PCDH9: variants seen among roughly 807,000 people sequenced by gnomAD.
PCDH9 encodes the protein protocadherin 9, also known as protocadherin-9.
Under a neutral mutation model 70.6 loss-of-function variants are expected in PCDH9, and 24 were observed. The ratio of observed to expected loss-of-function variants is 0.34; its 90% CI spans 0.25 to 0.48. PCDH9 has a LOEUF of 0.48. Among genes scored for constraint, PCDH9 ranks in the 20% least tolerant of loss-of-function variants. PCDH9 has a pLI of 0.99. For missense variants in PCDH9, 1,281 were observed against 1,503.6 expected (o/e 0.85, Z 2.45); for synonymous variants, 562 against 558.5 (o/e 1.01, Z -0.09).
rs2078369277 is a variant in PCDH9 at position 66,684,312 on chromosome 13, A to G, written c.3139-52901T>C. ...AACCTACTCTGATCGCTATAATCTT[A>G]CTTATTAATACTTTACAGACATGCC... On this transcript the variant is annotated intron_variant, in intron 3 of 4. Transcript: ENST00000377865. Among the ~76,000 whole-genome samples the G allele has an allele frequency of 2.6e-5, 4 of 152,154 alleles. No individual in the cohort carries two copies. The South Asian group carries it at 8.3e-4, about 32-fold the overall frequency.
At chr13:67,194,115 G>C (rs914184551) in intron 2 of PCDH9, among the ~76,000 whole-genome samples, 1 of 152,054 alleles carries the variant, frequency 6.6e-6, no homozygotes, top group African/African-American at 2.4e-5. Context: ...TTTGTTTGGG[G>C]AATCTTATCA....
At chr13:66,457,300 ATG>A (rs376927289) in intron 4 of PCDH9, among the ~76,000 whole-genome samples, 40 of 152,230 alleles carry the variant, frequency 2.6e-4, no homozygotes, top group African/African-American at 9.4e-4. Flanking sequence ...CCTCAAAAAC[ATG>A]TGAGGCTTCA....
At chr13:67,188,777 T>C (rs533707115) in intron 2 of PCDH9, among the ~76,000 whole-genome samples, 9 of 152,204 alleles carry the variant, frequency 5.9e-5, no homozygotes, top group East Asian at 5.8e-4. Flanking sequence ...GCAGCTGTAA[T>C]AGATCTTTAA....
chr13:66,359,473 T>C (rs79458041), intron 4 of PCDH9, among the ~76,000 whole-genome samples: 1 of 151,754 alleles, frequency 6.6e-6, no homozygotes. Context: ...AAGTATAGCA[T>C]AAAGGGGAAA....
At chr13:67,042,686 G>C (rs2085144950) in intron 2 of PCDH9, among the ~76,000 whole-genome samples, 1 of 152,076 alleles carries the variant, frequency 6.6e-6, no homozygotes, top group Non-Finnish European at 1.5e-5. Context: ...AATATTGCTT[G>C]TCTATTATGC....
intron 3 of PCDH9, among the ~76,000 whole-genome samples, chr13:66,842,544 C>G (rs544126480): frequency 2.0e-5 from 3 of 152,268 alleles, no homozygotes; most frequent in African/African-American, 7.2e-5. Flanking sequence ...CCCCAAAATT[C>G]TGTGTTATTT....
At chr13:67,025,372 T>G (rs1383255986) in intron 2 of PCDH9, among the ~76,000 whole-genome samples, 1 of 152,132 alleles carries the variant, frequency 6.6e-6, no homozygotes, top group Non-Finnish European at 1.5e-5. Context: ...TGAATATGAA[T>G]GTGTTTCCTT....
chr13:66,602,907 G>A lies in PCDH9; in HGVS notation c.3340+28303C>T, dbSNP rs966467852. On this transcript the variant is annotated intron_variant, in intron 4 of 4. Coordinates refer to ENST00000377865, the MANE Select transcript of PCDH9 (RefSeq NM_203487.3). ...TTGATATAATGAGATATACAGTATT[G>A]TGTTATAATTGCCTACAGTATTCAA... 1.5e-4 allele frequency among the ~76,000 whole-genome samples: 22 copies of A among 145,634 alleles called. 1 individual carries two copies. The highest frequency in any genetic ancestry group is 5.2e-4 in the African/African-American group (21 of 40,390).
At chr13:67,205,389 C>T (rs1390905298) in intron 2 of PCDH9, 1 of 152,130 alleles carries the variant, frequency 6.6e-6, no homozygotes, top group East Asian at 1.9e-4. Context: ...GCTTACTATA[C>T]TTATCAGTAA....
At chr13:67,172,999 G>C (rs749711740) in intron 2 of PCDH9, among the ~76,000 whole-genome samples, 2 of 151,260 alleles carry the variant, frequency 1.3e-5, no homozygotes, top group Non-Finnish European at 2.9e-5. Context: ...ACATAACTTT[G>C]CAACCCCAAA....
chr13:67,164,589 AAG>A (rs1462934502), intron 2 of PCDH9, among the ~76,000 whole-genome samples: 2 of 148,862 alleles, frequency 1.3e-5, no homozygotes, highest in African/African-American at 2.5e-5. Flanking sequence ...AAAAAAAAAA[AAG>A]AAAAAAAAGA....
chr13:66,675,038 T>C (rs2078224005), intron 3 of PCDH9, among the ~76,000 whole-genome samples: 2 of 152,168 alleles, frequency 1.3e-5, no homozygotes, highest in Admixed American at 1.3e-4. Flanking sequence ...TTATGTTTTA[T>C]GCAGTTTGCT....
chr13:66,418,951 C>T (rs1957512092), intron 4 of PCDH9, among the ~76,000 whole-genome samples: 1 of 152,134 alleles, frequency 6.6e-6, no homozygotes, highest in African/African-American at 2.4e-5. Context: ...TCAGAGAATA[C>T]TACAAATACC....
chr13:66,898,091 T>A (rs929588255), intron 3 of PCDH9, among the ~76,000 whole-genome samples: 1 of 152,082 alleles, frequency 6.6e-6, no homozygotes, highest in Non-Finnish European at 1.5e-5. Context: ...GCCAGACTGA[T>A]GCCCAACATG....
chr13:66,750,686 A>G (rs1469366837), intron 3 of PCDH9, among the ~76,000 whole-genome samples: 1 of 152,174 alleles, frequency 6.6e-6, no homozygotes, highest in Non-Finnish European at 1.5e-5. Context: ...GCTTAAATTA[A>G]CCCCTTAAAC....
chr13:66,715,665 G>A (rs1449256150), intron 3 of PCDH9, among the ~76,000 whole-genome samples: 2 of 152,128 alleles, frequency 1.3e-5, no homozygotes, highest in Non-Finnish European at 2.9e-5. Flanking sequence ...CTTCCACAAT[G>A]ATCTACTTCC....
At chr13:66,907,458 A>G (rs1010539074) in intron 2 of PCDH9, among the ~76,000 whole-genome samples, 13 of 152,126 alleles carry the variant, frequency 8.5e-5, no homozygotes, top group African/African-American at 1.7e-4. Context: ...ATTTTTCATC[A>G]CCTATGATTG....
chr13:66,668,370 T>C (rs1165428785), intron 3 of PCDH9, among the ~76,000 whole-genome samples: 2 of 152,178 alleles, frequency 1.3e-5, no homozygotes, highest in Non-Finnish European at 2.9e-5. Flanking sequence ...TCATCTCTCC[T>C]ACTCTTTAGG....
intron 2 of PCDH9, among the ~76,000 whole-genome samples, chr13:67,129,541 G>C (rs770349230): frequency 1.3e-5 from 2 of 151,920 alleles, no homozygotes; most frequent in Admixed American, 6.6e-5. Context: ...TGAGTCACTG[G>C]TTAAAATAAT....
Sources: allele counts gnomAD v4.1 joint callset (sites outside exome capture counted in the v4.1 genomes callset), GRCh38; gene constraint gnomAD v4.1.1; transcripts MANE v1.5; gene names NCBI Gene and HGNC (gene_info 2026-07-23, HGNC 2026-07-21).